JMJD1C: variants seen among roughly 807,000 people sequenced by gnomAD.
JMJD1C encodes jumonji domain containing 1C.
JMJD1C carries 31 observed loss-of-function variants against 245.3 expected under a neutral mutation model. That is an observed-to-expected ratio of 0.13 (90% CI 0.09 to 0.17). The LOEUF is 0.17. Among genes scored for constraint, JMJD1C ranks in the 10% least tolerant of loss-of-function variants. JMJD1C has a pLI of 1.00. For missense variants in JMJD1C, 2,691 were observed against 3,000.2 expected, an observed-to-expected ratio of 0.90 and a Z score of 2.41; for synonymous variants, 1,057 against 1,017.4, an observed-to-expected ratio of 1.04 and a Z score of -0.74.
chr10:63,359,169 A>C (rs960970227), intron 2 of JMJD1C: 1 of 152,398 alleles, frequency 6.6e-6, no homozygotes, highest in Non-Finnish European at 1.5e-5. Flanking sequence ...ATTTTGTTTT[A>C]GTATCATCTT....
chr10:63,516,961 C>G (rs1183805813), intron 1 of JMJD1C, among the ~76,000 whole-genome samples: 1 of 152,190 alleles, frequency 6.6e-6, no homozygotes, highest in African/African-American at 2.4e-5. Context: ...AGGTATCCAT[C>G]TAGCAGCAGA....
intron 2 of JMJD1C, among the ~76,000 whole-genome samples, chr10:63,356,544 T>C (rs1049385391): frequency 1.3e-5 from 2 of 152,216 alleles, no homozygotes; most frequent in African/African-American, 2.4e-5. Flanking sequence ...TTAGGAGATA[T>C]TACAATGGTT....
chr10:63,245,646 C>T (rs1852114068), intron 3 of JMJD1C, among the ~76,000 whole-genome samples: 1 of 152,066 alleles, frequency 6.6e-6, no homozygotes, highest in Admixed American at 6.6e-5. Flanking sequence ...CCACGCCTGG[C>T]TAATTTTTGT....
chr10:63,238,201 AAAGG>A (rs963555800), intron 3 of JMJD1C, among the ~76,000 whole-genome samples: 3 of 150,922 alleles, frequency 2.0e-5, no homozygotes, highest in East Asian at 3.9e-4. Context: ...AAAAAGAAAA[AAAGG>A]AAGGAAGCTA....
intron 1 of JMJD1C, among the ~76,000 whole-genome samples, chr10:63,507,145 T>C (rs1387051690): frequency 6.6e-6 from 1 of 152,204 alleles, no homozygotes; most frequent in African/African-American, 2.4e-5. Context: ...GTACCTTAAC[T>C]CATTTATGCA....
intron 5 of JMJD1C, among the ~76,000 whole-genome samples, chr10:63,216,807 T>C (rs112631803): frequency 2.6e-5 from 4 of 152,332 alleles, no homozygotes; most frequent in African/African-American, 9.6e-5. Flanking sequence ...ACACTGACAT[T>C]TGATGTGAGA....
In JMJD1C at chr10:63,180,110, C is replaced by T. The variant is rs185771468; in HGVS notation, c.7085-2254G>A. ...GCAACCTCTGCCTCCCAGGTTCAAG[C>T]GATTCTCCTGTCTCAGCTTCCCAAG... On this transcript the variant is annotated intron_variant, in intron 22 of 25. Transcript: ENST00000399262. 2.3e-3 allele frequency among the ~76,000 whole-genome samples: 345 copies of T among 152,282 alleles called. 5 individuals are homozygous for T. The highest frequency in any genetic ancestry group is 0.021 in the Admixed American group (322 of 15,294).
chr10:63,277,545 T>G (rs896393807), intron 2 of JMJD1C, among the ~76,000 whole-genome samples: 1 of 152,034 alleles, frequency 6.6e-6, no homozygotes, highest in Non-Finnish European at 1.5e-5. Flanking sequence ...CTGCAGATTC[T>G]CAGAATAACT....
intron 2 of JMJD1C, among the ~76,000 whole-genome samples, chr10:63,277,644 C>T (rs1224012980): frequency 6.7e-6 from 1 of 148,332 alleles, no homozygotes; most frequent in East Asian, 2.0e-4. Flanking sequence ...CTTGAGCCAA[C>T]AATGGATAAT....
chr10:63,370,060 T>A (rs1946173584), intron 2 of JMJD1C, among the ~76,000 whole-genome samples: 1 of 152,192 alleles, frequency 6.6e-6, no homozygotes, highest in Admixed American at 6.5e-5. Context: ...TCAGATGAGT[T>A]TCTTCACTGA....
intron 2 of JMJD1C, among the ~76,000 whole-genome samples, chr10:63,271,567 T>G (rs1169982152): frequency 1.3e-5 from 2 of 151,990 alleles, no homozygotes; most frequent in Non-Finnish European, 2.9e-5. Context: ...AAAAATTTTT[T>G]TGAGATAGAG....
chr10:63,259,615 A>G (rs985812478), intron 3 of JMJD1C, among the ~76,000 whole-genome samples: 1 of 152,206 alleles, frequency 6.6e-6, no homozygotes, highest in Non-Finnish European at 1.5e-5. Context: ...TGGAAAAACT[A>G]TCATTGAAAG....
intron 2 of JMJD1C, among the ~76,000 whole-genome samples, chr10:63,355,465 G>A (rs919961812): frequency 6.6e-6 from 1 of 152,106 alleles, no homozygotes; most frequent in Non-Finnish European, 1.5e-5. Flanking sequence ...CCATAACAGA[G>A]AATTGTTCCA....
chr10:63,211,198 C>T (rs1025462815), intron 8 of JMJD1C, among the ~76,000 whole-genome samples: 2 of 152,178 alleles, frequency 1.3e-5, no homozygotes, highest in South Asian at 2.1e-4. Flanking sequence ...GGCATGGTGG[C>T]TCATGCCTGT....
intron 2 of JMJD1C, among the ~76,000 whole-genome samples, chr10:63,291,873 G>C (rs1858765935): frequency 6.6e-6 from 1 of 152,054 alleles, no homozygotes; most frequent in Non-Finnish European, 1.5e-5. Context: ...ATTTCTTTGG[G>C]TGGGGGAGGT....
At chr10:63,374,588 A>T (rs9415696) in intron 2 of JMJD1C, among the ~76,000 whole-genome samples, 21,415 of 152,216 alleles carry the variant, frequency 0.14, 2,211 homozygotes, top group East Asian at 0.35. Flanking sequence ...TATTAATTCT[A>T]CTACTATGAA....
chr10:63,199,758 T>C (rs1041072825), intron 11 of JMJD1C, among the ~76,000 whole-genome samples: 2 of 152,198 alleles, frequency 1.3e-5, no homozygotes, highest in Non-Finnish European at 2.9e-5. Flanking sequence ...TTCATTCTTA[T>C]CAACACGTAT....
chr10:63,292,618 T>C (rs1485282709), intron 2 of JMJD1C, among the ~76,000 whole-genome samples: 3 of 150,740 alleles, frequency 2.0e-5, no homozygotes, highest in Admixed American at 2.0e-4. Flanking sequence ...CTCAAAAAAA[T>C]AAAAATAAAA....
intron 1 of JMJD1C, among the ~76,000 whole-genome samples, chr10:63,504,125 T>C (rs572578579): frequency 6.7e-4 from 102 of 152,326 alleles, no homozygotes; most frequent in African/African-American, 2.4e-3. Flanking sequence ...ATAAACCTAA[T>C]GTATAAAGTC....
Sources: gnomAD v4.1 joint callset for allele counts (sites outside exome capture counted in the v4.1 genomes callset) on GRCh38, gnomAD v4.1.1 for gene constraint, MANE v1.5 for transcripts, NCBI Gene and HGNC (gene_info 2026-07-23, HGNC 2026-07-21) for gene names.